The following ZNF280C variants were observed in gnomAD, a reference collection of about 807,000 sequenced individuals.
ZNF280C encodes the protein zinc finger protein 280C.
In ZNF280C, 14 loss-of-function variants were observed where a neutral mutation model predicts 53.6. That is an observed-to-expected ratio of 0.26 (90% CI 0.17 to 0.41). The LOEUF is 0.41. Ranked by LOEUF, ZNF280C falls within the 10% of genes least tolerant of loss-of-function variation. The pLI is 1.00. For missense variants in ZNF280C, 416 were observed against 547.1 expected, an observed-to-expected ratio of 0.76 and a Z score of 2.39; for synonymous variants, 203 against 181.1, an observed-to-expected ratio of 1.12 and a Z score of -0.97.
Position 130,255,382 on chromosome X carries a change from C to T in ZNF280C, c.31+5037G>A, listed in dbSNP as rs772078871. Among the ~76,000 whole-genome samples, 169 of 104,602 alleles carry T rather than the reference C, an allele frequency of 1.6e-3. 1 individual carries two copies. Among genetic ancestry groups the T allele is most frequent in the African/African-American group, 5.3e-3 (154 of 28,966 alleles). The allele number at this position is 104,602 out of a possible 115,157, so 90.8% of individuals were successfully genotyped here. On this transcript the variant is annotated intron_variant, in intron 2 of 18. Transcript: ENST00000370978. ...GTCTCGATCTCCTGACCTCGTGATCCGCCCGCCTCGGCCTCCCAAAGTGCT... is the reference window on the plus strand; with the variant it reads ...GTCTCGATCTCCTGACCTCGTGATCTGCCCGCCTCGGCCTCCCAAAGTGCT...
chrX:130,256,132 CAAA>C (rs200107686), intron 2 of ZNF280C, among the ~76,000 whole-genome samples: 7 of 106,806 alleles, frequency 6.6e-5, no homozygotes, highest in African/African-American at 1.7e-4. Context: ...GGCTTATCTC[CAAA>C]AAAAAATAAG....
At chrX:130,266,850 C>T (rs774562192) in intron 1 of ZNF280C, among the ~76,000 whole-genome samples, 1 of 111,631 alleles carries the variant, frequency 9.0e-6, no homozygotes, top group South Asian at 3.8e-4. Flanking sequence ...CTCCTGTAAT[C>T]CCAGCACTTT....
chrX:130,210,808 C>T (rs988778037), intron 15 of ZNF280C, among the ~76,000 whole-genome samples: 1 of 112,396 alleles, frequency 8.9e-6, no homozygotes, highest in African/African-American at 3.2e-5. Flanking sequence ...GACAACCAGG[C>T]AAGATTAGCC....
intron 8 of ZNF280C, among the ~76,000 whole-genome samples, chrX:130,235,100 G>A (rs1240206485): frequency 8.9e-6 from 1 of 111,861 alleles, no homozygotes; most frequent in Non-Finnish European, 1.9e-5. Flanking sequence ...GTAAACAAAA[G>A]GAGCTTTCAC....
chrX:130,230,161 T>A (rs997126808), intron 9 of ZNF280C, among the ~76,000 whole-genome samples: 1 of 111,973 alleles, frequency 8.9e-6, no homozygotes, highest in Non-Finnish European at 1.9e-5. Context: ...AGGGTTCTTC[T>A]TGTGACATGA....
At chrX:130,248,320 A>G (rs2032471102) in intron 2 of ZNF280C, among the ~76,000 whole-genome samples, 1 of 107,458 alleles carries the variant, frequency 9.3e-6, no homozygotes, top group Non-Finnish European at 1.9e-5. Context: ...ACTACGGGGG[A>G]ATGGGTGAGT....
rs146116836 is a variant in ZNF280C at position 130,264,417 on chromosome X, T to C, written c.-16-3952A>G. Among the ~76,000 whole-genome samples the C allele has an allele frequency of 1.3e-3, 148 of 111,788 alleles. 1 individual carries two copies. In the South Asian group the frequency reaches 0.013, roughly 10 times the overall value. ...AGGGTCAACAGACCTCTCAGGAAAA[T>C]AGATATATTCCAGGTTGTGCAAGAG... On this transcript the variant is annotated intron_variant, in intron 1 of 18. Coordinates refer to ENST00000370978, the MANE Select transcript of ZNF280C (RefSeq NM_017666.5).
chrX:130,250,560 A>T (rs145264698), intron 2 of ZNF280C, among the ~76,000 whole-genome samples: 1 of 111,592 alleles, frequency 9.0e-6, no homozygotes, highest in East Asian at 2.8e-4. Flanking sequence ...GGACACATTC[A>T]CTCTCCCCAG....
intron 12 of ZNF280C, among the ~76,000 whole-genome samples, chrX:130,225,905 T>A (rs765355170): frequency 2.7e-5 from 3 of 111,971 alleles, no homozygotes; most frequent in Non-Finnish European, 5.6e-5. Context: ...AAAACTTGAT[T>A]ACATGACCAG....
rs2032152838 is a variant in ZNF280C at position 130,220,546 on chromosome X, C to G, written c.1396-66G>C. The G allele has an allele frequency of 4.9e-6, 5 of 1,012,306 alleles. No individual in the cohort carries two copies. In the Admixed American group the frequency reaches 1.0e-4, roughly 20 times the overall value. 83.4% of individuals were successfully genotyped at this position (1,012,306 alleles called of 1,213,427 possible). A position where few individuals can be genotyped will look rare whatever the true frequency, so the allele number is the denominator to read the frequency against. On this transcript the variant is annotated intron_variant, in intron 12 of 18. Transcript: ENST00000370978. ...ACAAATCCTAGGAGCTGAAATTGCT[C>G]TTAATTCTAAAATCTAAATAAATTT... is the stretch of plus-strand genomic sequence containing the variant.
chrX:130,262,724 C>T (rs1360727204), intron 1 of ZNF280C, among the ~76,000 whole-genome samples: 1 of 111,557 alleles, frequency 9.0e-6, no homozygotes, highest in African/African-American at 3.3e-5. Context: ...CAGGTGGAGA[C>T]ACTATACCCA....
chrX:130,268,838 G>GA lies in ZNF280C; in HGVS notation c.-94dup, dbSNP rs1247113744. The GA allele has an allele frequency of 2.7e-5, 3 of 112,437 alleles. No homozygotes were observed. The highest frequency in any genetic ancestry group is 9.7e-5 in the African/African-American group (3 of 30,876). The allele number at this position is 112,437 out of a possible 1,213,427, so 9.3% of individuals were successfully genotyped here. On this transcript the variant is annotated 5_prime_UTR_variant, in exon 1 of 19. Coordinates refer to ENST00000370978, the MANE Select transcript of ZNF280C (RefSeq NM_017666.5). ...AGAGGAGGAGGAAAGGGAGGAGCGC[G>GA]AAAAACCTCAGGCGACAGCCTCAGC...
Position 130,227,735 on chromosome X carries a change from A to G in ZNF280C, c.1195T>C (p.Leu399=), listed in dbSNP as rs778016243. Residue 399 remains leucine, a synonymous_variant, in exon 11 of 19, where the codon TTA becomes CTA. Coordinates refer to ENST00000370978, the MANE Select transcript of ZNF280C (RefSeq NM_017666.5). ...TTATGGGTGTCCTTCATATGTTGTA[A>G]AAGAATATGCTCTGTTTCAAATGAT... ...ELSFETEHIL[L]QHMKDTHKPG... The G allele has an allele frequency of 3.3e-6, 4 of 1,208,134 alleles. No individual in the cohort carries two copies. The highest frequency in any genetic ancestry group is 4.5e-6 in the Non-Finnish European group (4 of 893,233).
At chrX:130,224,202 A>AG (rs1297062572) in intron 12 of ZNF280C, among the ~76,000 whole-genome samples, 2 of 111,624 alleles carry the variant, frequency 1.8e-5, no homozygotes, top group East Asian at 5.6e-4. Flanking sequence ...TCCTTATAAA[A>AG]GGGACCCTAG....
intron 13 of ZNF280C, among the ~76,000 whole-genome samples, chrX:130,216,904 G>A (rs1489994850): frequency 1.8e-5 from 2 of 111,623 alleles, no homozygotes; most frequent in Non-Finnish European, 3.8e-5. Context: ...GGAGGCTGAG[G>A]CAGGAAAATT....
intron 2 of ZNF280C, among the ~76,000 whole-genome samples, chrX:130,259,332 A>G (rs919671368): frequency 8.9e-6 from 1 of 112,348 alleles, no homozygotes; most frequent in African/African-American, 3.2e-5. Context: ...GCAATGCCAG[A>G]TTTAAAGAAA....
intron 12 of ZNF280C, among the ~76,000 whole-genome samples, chrX:130,222,966 GT>G (rs933034334): frequency 8.9e-6 from 1 of 112,096 alleles, no homozygotes; most frequent in Non-Finnish European, 1.9e-5. Flanking sequence ...TTAAAATAAT[GT>G]TTAACCAAAG....
At chrX:130,246,796 A>G (rs2032454835) in intron 3 of ZNF280C, 63 bp downstream of exon 3, 1 of 1,147,535 alleles carries the variant, frequency 8.7e-7, no homozygotes, top group Non-Finnish European at 1.2e-6. Context: ...CAGATATCTC[A>G]TATATTTTCC....
At chrX:130,255,753 G>A (rs1005306048) in intron 2 of ZNF280C, among the ~76,000 whole-genome samples, 1 of 111,442 alleles carries the variant, frequency 9.0e-6, no homozygotes, top group African/African-American at 3.3e-5. Context: ...CCAGGAGTTC[G>A]AGACCAGCAT....
Sources: allele counts gnomAD v4.1 joint callset (sites outside exome capture counted in the v4.1 genomes callset), GRCh38; gene constraint gnomAD v4.1.1; transcripts MANE v1.5; gene names NCBI Gene and HGNC (gene_info 2026-07-23, HGNC 2026-07-21).